TRPC6: variants seen among roughly 807,000 people sequenced by gnomAD.
TRPC6 encodes transient receptor potential cation channel subfamily C member 6, also known as short transient receptor potential channel 6.
Under a neutral mutation model 90.7 loss-of-function variants are expected in TRPC6, and 55 were observed. That is an observed-to-expected ratio of 0.61 (90% CI 0.49 to 0.76). The LOEUF (loss-of-function observed/expected upper bound fraction) is 0.76. TRPC6 is among the 30% of genes least tolerant of loss of function. The pLI is 0.00. For synonymous variants in TRPC6, 393 were observed against 393.0 expected, an observed-to-expected ratio of 1.00 and a Z score of 0.00; for missense variants, 989 against 1,122.7, an observed-to-expected ratio of 0.88 and a Z score of 1.70.
At chr11:101,562,862 T>G (rs1408722654) in intron 1 of TRPC6, among the ~76,000 whole-genome samples, 2 of 152,204 alleles carry the variant, frequency 1.3e-5, no homozygotes, top group Non-Finnish European at 2.9e-5. Context: ...TTTCACTTCC[T>G]AAGCTGCAAA....
Position 101,574,617 on chromosome 11 carries a change from C to G in TRPC6, c.170+8717G>C, listed in dbSNP as rs538431532. 7.9e-5 allele frequency among the ~76,000 whole-genome samples: 12 copies of G among 151,200 alleles called. No individual in the cohort carries two copies. In the South Asian group the frequency reaches 2.5e-3, roughly 31 times the overall value. ...GAATGCCCCTCCAAGAAAAGGGTTCCTGCAGAAATCCCTCCCCTAGGTTAA... is the reference window on the plus strand; with the variant it reads ...GAATGCCCCTCCAAGAAAAGGGTTCGTGCAGAAATCCCTCCCCTAGGTTAA... On this transcript the variant is annotated intron_variant, in intron 1 of 12. Coordinates refer to ENST00000344327, the MANE Select transcript of TRPC6 (RefSeq NM_004621.6).
At chr11:101,530,500 C>T (rs1860886601) in intron 1 of TRPC6, among the ~76,000 whole-genome samples, 1 of 152,170 alleles carries the variant, frequency 6.6e-6, no homozygotes, top group African/African-American at 2.4e-5. Context: ...TAACTCAGTT[C>T]TAGCTCCTCT....
intron 2 of TRPC6, among the ~76,000 whole-genome samples, chr11:101,501,158 C>G (rs1422227096): frequency 6.6e-6 from 1 of 151,726 alleles, no homozygotes; most frequent in East Asian, 1.9e-4. Context: ...TCTCCTGTGG[C>G]CAATACAATC....
intron 1 of TRPC6, among the ~76,000 whole-genome samples, chr11:101,566,522 A>G (rs1363496503): frequency 6.6e-6 from 1 of 152,232 alleles, no homozygotes; most frequent in African/African-American, 2.4e-5. Context: ...GTTAAAAAAT[A>G]TTTAACAAGC....
Position 101,483,115 on chromosome 11 carries a change from G to T in TRPC6, c.1344C>A (p.Ala448=), listed in dbSNP as rs554849365. The change falls in exon 5 of 13, where the codon GCC becomes GCA. Residue 448 remains alanine (A), a synonymous_variant. Transcript: ENST00000344327. ...GPFMKFVAHA[A]SFTIFLGLLV... The stretch of plus-strand genomic sequence containing the variant: ...GCAGTCCCAGAAAAATGGTGAAGGA[G>T]GCTGCGTGTGCTACAAACTTCATGA... The T allele has an allele frequency of 1.9e-6, 3 of 1,614,018 alleles. No homozygotes were observed. In the South Asian group the frequency reaches 3.3e-5, roughly 18 times the overall value.
chr11:101,481,290 T>A (rs1859543756), intron 5 of TRPC6, among the ~76,000 whole-genome samples: 2 of 152,186 alleles, frequency 1.3e-5, no homozygotes, highest in African/African-American at 4.8e-5. Flanking sequence ...AGGATTTATA[T>A]GAAAATCCCT....
At chr11:101,546,929 T>C (rs746929058) in intron 1 of TRPC6, among the ~76,000 whole-genome samples, 2 of 152,100 alleles carry the variant, frequency 1.3e-5, no homozygotes, top group East Asian at 1.9e-4. Flanking sequence ...AATTATCAGG[T>C]GAACAAAATA....
At chr11:101,544,728 T>C (rs1272507057) in intron 1 of TRPC6, among the ~76,000 whole-genome samples, 1 of 143,344 alleles carries the variant, frequency 7.0e-6, no homozygotes, top group East Asian at 2.0e-4. Flanking sequence ...TGGGGCCTGT[T>C]GGGGGTGGCG....
At chr11:101,486,896 A>G (rs948049492) in intron 4 of TRPC6, among the ~76,000 whole-genome samples, 9 of 152,308 alleles carry the variant, frequency 5.9e-5, no homozygotes, top group Non-Finnish European at 1.3e-4. Flanking sequence ...AGATTTTATC[A>G]TCATGCTTCA....
intron 1 of TRPC6, among the ~76,000 whole-genome samples, chr11:101,580,781 A>G (rs1862180109): frequency 6.6e-6 from 1 of 152,212 alleles, no homozygotes; most frequent in Non-Finnish European, 1.5e-5. Flanking sequence ...AAATGGCAAT[A>G]TTCATATCTA....
In TRPC6 at chr11:101,452,951, C is replaced by T. The variant is rs376340717; in HGVS notation, c.*4G>A. The T allele has an allele frequency of 1.7e-5, 28 of 1,613,528 alleles. 1 individual carries two copies. Among genetic ancestry groups the T allele is most frequent in the African/African-American group, 1.1e-4 (8 of 74,894 alleles). On this transcript the variant is annotated 3_prime_UTR_variant, in exon 13 of 13. Coordinates refer to ENST00000344327, the MANE Select transcript of TRPC6 (RefSeq NM_004621.6). Reference sequence around the variant, plus strand: ...AAATATGAATTTCTAAGGAAGTCTTCGCATTATCTATTGGTTTCCTCTTGA... The same window carrying T: ...AAATATGAATTTCTAAGGAAGTCTTTGCATTATCTATTGGTTTCCTCTTGA...
At position 101,453,009 on chromosome 11, in the gene TRPC6, T is replaced by G. The variant is rs1858798788; in HGVS notation, c.2742A>C (p.Arg914Ser). 2 of 1,613,868 alleles carry G rather than the reference T, an allele frequency of 1.2e-6. No individual in the cohort carries two copies. The highest frequency in any genetic ancestry group is 1.7e-6 in the Non-Finnish European group (2 of 1,179,894). ...QNTEDLAELIRELGEKLSMEP... is the reference protein window; with the variant it reads ...QNTEDLAELISELGEKLSMEP... ...CCATGGATAATTTCTCTCCAAGTTC[T>G]CTAATAAGTTCTGCTAGGTCTTCTG... Residue 914 changes from arginine (R) to serine (S), a missense_variant, in exon 13 of 13, where the codon AGA becomes AGC. Transcript: ENST00000344327.
chr11:101,473,825 T>C (rs1314962722), intron 6 of TRPC6, 52 bp from the exon 7 acceptor site: 4 of 1,610,028 alleles, frequency 2.5e-6, no homozygotes, highest in Non-Finnish European at 3.4e-6. Flanking sequence ...AGTTTTTTAT[T>C]TAGGTAACTT....
intron 1 of TRPC6, among the ~76,000 whole-genome samples, chr11:101,556,530 C>A (rs1861563870): frequency 6.6e-6 from 1 of 152,000 alleles, no homozygotes; most frequent in South Asian, 2.1e-4. Flanking sequence ...GTGAACAGAC[C>A]AATAACAAGT....
intron 10 of TRPC6, among the ~76,000 whole-genome samples, chr11:101,459,610 G>A (rs1858958978): frequency 6.6e-6 from 1 of 152,072 alleles, no homozygotes; most frequent in African/African-American, 2.4e-5. Context: ...CACATTTTTA[G>A]AGAAGCTACA....
intron 7 of TRPC6, 28 bp from the exon 8 acceptor site, chr11:101,472,360 A>G: frequency 6.3e-7 from 1 of 1,595,424 alleles, no homozygotes; most frequent in Non-Finnish European, 8.6e-7. Flanking sequence ...GAAGAAAAGA[A>G]ATAAGAAAGT....
chr11:101,507,006 AACACACACACACACACACACAC>A (rs10590147), intron 1 of TRPC6, among the ~76,000 whole-genome samples: 4 of 131,168 alleles, frequency 3.0e-5, no homozygotes, highest in Admixed American at 7.7e-5. Context: ...CTCTCTCTCT[AACACACACACACACACACACAC>A]ACACACACAC....
Position 101,504,221 on chromosome 11 carries a change from C to A in TRPC6, c.748G>T (p.Asp250Tyr), listed in dbSNP as rs1565221173. The A allele has an allele frequency of 6.2e-7, 1 of 1,614,114 alleles. No individual in the cohort carries two copies. ...RKGARIERPH[D>Y]YFCKCNDCNQ... Reference sequence around the variant, plus strand: ...CAGTCATTGCACTTGCAGAAATAATCATGAGGCCGTTCAATCCTAGCACCC... The same window carrying A: ...CAGTCATTGCACTTGCAGAAATAATAATGAGGCCGTTCAATCCTAGCACCC... Residue 250 changes from aspartate to tyrosine, a missense_variant, in exon 2 of 13, where the codon GAT (aspartate) becomes TAT (tyrosine). Transcript: ENST00000344327.
rs769554268 is a variant in TRPC6 at position 101,504,343 on chromosome 11, T to C, written c.626A>G (p.Tyr209Cys). ...SELQQDDFYA[Y>C]DEDGTRFSHD... ...GGAGAACCGTGTCCCATCTTCATCA[T>C]AGGCATAAAAATCATCTTGCTGGAG... Residue 209 changes from tyrosine to cysteine, a missense_variant, in exon 2 of 13, where the codon TAT becomes TGT. This residue lies in a region of TRPC6 where 486 missense variants were observed against 591.9 expected (regional missense o/e 0.82). Transcript: ENST00000344327. 2 of 1,613,972 alleles carry C rather than the reference T, an allele frequency of 1.2e-6. No homozygotes were observed. Among genetic ancestry groups the C allele is most frequent in the Non-Finnish European group, 1.7e-6 (2 of 1,179,976 alleles).
Sources: gnomAD v4.1 joint callset for allele counts (sites outside exome capture counted in the v4.1 genomes callset) on GRCh38, gnomAD v4.1.1 for gene constraint, gnomAD v4.1.1 regional missense constraint, MANE v1.5 for transcripts, NCBI Gene and HGNC (gene_info 2026-07-23, HGNC 2026-07-21) for gene names.